PDZRN4: variants seen among roughly 807,000 people sequenced by gnomAD.
The protein encoded by PDZRN4 is PDZ domain containing ring finger 4.
Under a neutral mutation model 99.0 loss-of-function variants are expected in PDZRN4, and 70 were observed. The observed-to-expected ratio is 0.71, with a 90% CI of 0.58 to 0.86. The LOEUF (loss-of-function observed/expected upper bound fraction) is 0.86, where lower values mean the gene tolerates loss of function less well. Among genes scored for constraint, PDZRN4 ranks in the 40% least tolerant of loss-of-function variants. PDZRN4 has a pLI of 0.00. For synonymous variants in PDZRN4, 551 were observed against 501.6 expected, an observed-to-expected ratio of 1.10 and a Z score of -1.32; for missense variants, 1,474 against 1,331.2, an observed-to-expected ratio of 1.11 and a Z score of -1.67.
intron 3 of PDZRN4, among the ~76,000 whole-genome samples, chr12:41,334,623 T>C (rs1176098438): frequency 6.6e-6 from 1 of 152,146 alleles, no homozygotes; most frequent in Non-Finnish European, 1.5e-5. Flanking sequence ...GCAAAGGCTG[T>C]CATTCATTCT....
At chr12:41,293,984 A>C (rs962413258) in intron 3 of PDZRN4, among the ~76,000 whole-genome samples, 4 of 152,186 alleles carry the variant, frequency 2.6e-5, no homozygotes, top group African/African-American at 9.7e-5. Context: ...TTCAATAAAC[A>C]ATAGGGTTGC....
chr12:41,225,760 G>A (rs186408889), intron 3 of PDZRN4, among the ~76,000 whole-genome samples: 82 of 152,138 alleles, frequency 5.4e-4, no homozygotes, highest in South Asian at 1.2e-3. Context: ...CATTTCTGTC[G>A]TCAATTGTGT....
intron 4 of PDZRN4, among the ~76,000 whole-genome samples, chr12:41,507,219 T>C (rs550555156): frequency 2.6e-5 from 4 of 152,234 alleles, no homozygotes; most frequent in Admixed American, 1.3e-4. Context: ...ACCCAATATA[T>C]TGAGATATAA....
intron 3 of PDZRN4, among the ~76,000 whole-genome samples, chr12:41,495,510 A>G (rs1937982166): frequency 6.6e-6 from 1 of 151,968 alleles, no homozygotes; most frequent in South Asian, 2.1e-4. Flanking sequence ...AGCTCTCTTC[A>G]TCCTCCTCCA....
intron 3 of PDZRN4, among the ~76,000 whole-genome samples, chr12:41,427,314 T>C (rs1315580888): frequency 6.6e-6 from 1 of 152,230 alleles, no homozygotes; most frequent in African/African-American, 2.4e-5. Context: ...TTGGCAAGGC[T>C]ATATTATAAG....
At chr12:41,340,179 T>C (rs1192216149) in intron 3 of PDZRN4, among the ~76,000 whole-genome samples, 2 of 152,062 alleles carry the variant, frequency 1.3e-5, no homozygotes, top group Non-Finnish European at 2.9e-5. Flanking sequence ...GCAACCTAAG[T>C]GTCCATCAAC....
intron 3 of PDZRN4, among the ~76,000 whole-genome samples, chr12:41,371,744 C>T (rs914526976): frequency 2.6e-5 from 4 of 152,114 alleles, no homozygotes; most frequent in African/African-American, 4.8e-5. Flanking sequence ...TTTGCTTATA[C>T]GCTATCCAGC....
At chr12:41,460,498 T>C (rs1952861396) in intron 3 of PDZRN4, among the ~76,000 whole-genome samples, 1 of 152,202 alleles carries the variant, frequency 6.6e-6, no homozygotes, top group Non-Finnish European at 1.5e-5. Flanking sequence ...GAGAAAATCT[T>C]AGGAGCAAAT....
intron 3 of PDZRN4, among the ~76,000 whole-genome samples, chr12:41,347,208 C>A (rs1246491211): frequency 6.6e-6 from 1 of 151,984 alleles, no homozygotes; most frequent in African/African-American, 2.4e-5. Flanking sequence ...CTATGTTTAA[C>A]CCTTTGAAAA....
chr12:41,428,559 G>T (rs1233036099), intron 3 of PDZRN4, among the ~76,000 whole-genome samples: 1 of 152,166 alleles, frequency 6.6e-6, no homozygotes, highest in East Asian at 1.9e-4. Context: ...TAGCAGAGTT[G>T]TAACCTTTGC....
intron 3 of PDZRN4, among the ~76,000 whole-genome samples, chr12:41,235,320 A>G (rs1416653952): frequency 6.6e-6 from 1 of 152,196 alleles, no homozygotes; most frequent in Non-Finnish European, 1.5e-5. Context: ...CTCCTAGGAA[A>G]ATAAGAAAAA....
At chr12:41,544,137 T>C (rs1376860780) in intron 5 of PDZRN4, among the ~76,000 whole-genome samples, 5 of 152,234 alleles carry the variant, frequency 3.3e-5, no homozygotes, top group Non-Finnish European at 7.3e-5. Context: ...CCAAGTGTAA[T>C]CCATTGCATG....
chr12:41,564,531 T>C (rs918489404), intron 8 of PDZRN4, among the ~76,000 whole-genome samples: 1 of 152,206 alleles, frequency 6.6e-6, no homozygotes, highest in African/African-American at 2.4e-5. Flanking sequence ...AGTAACTACA[T>C]ACTATCTATA....
At chr12:41,373,127 C>A (rs937477085) in intron 3 of PDZRN4, among the ~76,000 whole-genome samples, 2 of 152,094 alleles carry the variant, frequency 1.3e-5, no homozygotes, top group Non-Finnish European at 2.9e-5. Context: ...GTGTGGGTCA[C>A]AGAGATCACA....
intron 3 of PDZRN4, among the ~76,000 whole-genome samples, chr12:41,311,783 A>G (rs569820546): frequency 4.6e-5 from 7 of 152,338 alleles, no homozygotes; most frequent in Non-Finnish European, 7.4e-5. Context: ...AAATGTGTGC[A>G]TTTGACAGAG....
intron 3 of PDZRN4, among the ~76,000 whole-genome samples, chr12:41,368,508 A>G (rs540357103): frequency 4.0e-4 from 61 of 152,176 alleles, no homozygotes; most frequent in African/African-American, 1.4e-3. Context: ...AATTATATAC[A>G]CGCACATACA....
At chr12:41,502,268 A>G (rs1345137802) in intron 3 of PDZRN4, among the ~76,000 whole-genome samples, 3 of 152,138 alleles carry the variant, frequency 2.0e-5, no homozygotes, top group African/African-American at 7.2e-5. Context: ...GAAACAAATC[A>G]GTCTGAGCCA....
At chr12:41,418,738 G>T (rs1197693286) in intron 3 of PDZRN4, among the ~76,000 whole-genome samples, 1 of 152,138 alleles carries the variant, frequency 6.6e-6, no homozygotes, top group African/African-American at 2.4e-5. Flanking sequence ...ATGTATGAAG[G>T]AAGTGTTGAT....
chr12:41,394,737 A>G (rs1337670762), intron 3 of PDZRN4, among the ~76,000 whole-genome samples: 1 of 151,822 alleles, frequency 6.6e-6, no homozygotes, highest in Admixed American at 6.6e-5. Context: ...AGATTTTCTG[A>G]GTGTACTCAT....
Sources: gnomAD v4.1 joint callset for allele counts (sites outside exome capture counted in the v4.1 genomes callset) on GRCh38, gnomAD v4.1.1 for gene constraint, MANE v1.5 for transcripts, NCBI Gene and HGNC (gene_info 2026-07-23, HGNC 2026-07-21) for gene names.